ACSM3: variants seen among roughly 807,000 people sequenced by gnomAD.
The protein encoded by ACSM3 is acyl-CoA synthetase medium chain family member 3.
A neutral mutation model predicts 74.1 loss-of-function variants in ACSM3; 61 were observed. That is an observed-to-expected ratio of 0.82 (90% confidence interval 0.67 to 1.02). The LOEUF is 1.02. Ranked by LOEUF, ACSM3 falls within the 50% of genes least tolerant of loss-of-function variation. The pLI, the probability that ACSM3 is intolerant of heterozygous loss-of-function variation, is 0.00. For missense variants in ACSM3, 660 were observed against 697.0 expected (o/e 0.95, Z 0.60); for synonymous variants, 213 against 241.5 (o/e 0.88, Z 1.09).
chr16:20,784,993 T>G lies in ACSM3; in HGVS notation c.1029T>G (p.Phe343Leu), dbSNP rs779951052. ...CTGGTTTTCTGAGAAGCTATAAGTT[T>G]AAAAGCTTAAAGCACTGTGTGAGTG... ...LVQNDITSYK[F>L]KSLKHCVSAG... Residue 343 changes from phenylalanine (F) to leucine (L), a missense_variant, in exon 8 of 14, where the codon TTT becomes TTG. By Grantham distance (22) the Phe-to-Leu change is conservative (BLOSUM62 0). Coordinates refer to ENST00000289416, the MANE Select transcript of ACSM3 (RefSeq NM_005622.4). 1.2e-6 allele frequency: 2 copies of G among 1,612,056 alleles called. No individual in the cohort carries two copies. The highest frequency in any genetic ancestry group is 2.2e-5 in the South Asian group (2 of 90,826).
intron 2 of ACSM3, among the ~76,000 whole-genome samples, chr16:20,772,741 AT>A (rs2080208372): frequency 6.6e-6 from 1 of 152,136 alleles, no homozygotes; most frequent in Non-Finnish European, 1.5e-5. Context: ...TGCCAATACC[AT>A]GCTGTTTTGG....
At chr16:20,691,103 C>T (rs778586762) in intron 1 of ACSM3, 4 of 1,613,684 alleles carry the variant, frequency 2.5e-6, no homozygotes, top group Non-Finnish European at 3.4e-6. Context: ...TAAAGACCGG[C>T]AGCGCAGCTG....
intron 4 of ACSM3, 125 bp from the exon 5 acceptor site, chr16:20,780,589 C>T (rs2080330093): frequency 1.9e-6 from 3 of 1,597,456 alleles, no homozygotes; most frequent in Non-Finnish European, 2.6e-6. Flanking sequence ...GTAATTCAAG[C>T]TAAGCCACTG....
intron 2 of ACSM3, 75 bp from the exon 3 acceptor site, chr16:20,775,764 T>G: frequency 1.4e-6 from 2 of 1,451,382 alleles, no homozygotes; most frequent in South Asian, 1.2e-5. Context: ...AGCTAATCTA[T>G]TCCATTGAGT....
chr16:20,691,172 C>T lies in ACSM3; in HGVS notation c.-190+16350C>T. On this transcript the variant is annotated intron_variant, in intron 1 of 3. Transcript: ENST00000561584. ...GTGGATGCCCCAGAGGGTCCGGAACCTCATTAGCCACTGCATGGTGAAACA... is the reference window on the plus strand; with the variant it reads ...GTGGATGCCCCAGAGGGTCCGGAACTTCATTAGCCACTGCATGGTGAAACA... 1.9e-6 allele frequency: 3 copies of T among 1,593,676 alleles called. No homozygotes were observed. In the South Asian group the frequency reaches 3.4e-5, roughly 18 times the overall value.
intron 1 of ACSM3, among the ~76,000 whole-genome samples, chr16:20,767,764 G>A (rs527574315): frequency 6.6e-6 from 1 of 152,324 alleles, no homozygotes; most frequent in African/African-American, 2.4e-5. Flanking sequence ...TTACATCACA[G>A]TGCAAAGATC....
Position 20,730,738 on chromosome 16 carries a change from C to T in ACSM3, c.-189-19172C>T, listed in dbSNP as rs117154229. Among the ~76,000 whole-genome samples the T allele has an allele frequency of 1.1e-3, 169 of 152,312 alleles. 3 individuals carry two copies. The East Asian group carries it at 0.03, about 27-fold the overall frequency. ...CAATGAATAATATAAATTATGCTTA[C>T]TAACCTCAGTAATTATCTAATTGGT... On this transcript the variant is annotated intron_variant, in intron 1 of 3. Coordinates refer to the ACSM3 transcript ENST00000561584.
intron 1 of ACSM3, among the ~76,000 whole-genome samples, chr16:20,710,472 G>A (rs1184358059): frequency 2.0e-5 from 3 of 152,046 alleles, no homozygotes; most frequent in Non-Finnish European, 4.4e-5. Flanking sequence ...TAAAAGAATT[G>A]TATCTCAGTA....
chr16:20,741,739 T>C (rs1014303288), intron 1 of ACSM3: 5 of 1,567,218 alleles, frequency 3.2e-6, no homozygotes, highest in Non-Finnish European at 4.3e-6. Context: ...GGGGCCGCCA[T>C]GGTGTGCGCA....
At chr16:20,722,984 G>A (rs1257490790) in intron 1 of ACSM3, among the ~76,000 whole-genome samples, 1 of 152,130 alleles carries the variant, frequency 6.6e-6, no homozygotes, top group African/African-American at 2.4e-5. Flanking sequence ...TTGCTGTGCT[G>A]CACCCATTAA....
At chr16:20,727,333 G>C (rs1360017915) in intron 1 of ACSM3, 38 of 586,018 alleles carry the variant, frequency 6.5e-5, no homozygotes, top group Non-Finnish European at 1.1e-4. Context: ...ATGCAACTCT[G>C]TCTCTCCAGA....
intron 12 of ACSM3, 82 bp downstream of exon 12, chr16:20,792,417 A>T (rs1383645641): frequency 1.3e-6 from 2 of 1,579,024 alleles, no homozygotes; most frequent in African/African-American, 2.7e-5. Flanking sequence ...GTGAAACAGA[A>T]TTAACCAAAT....
chr16:20,758,502 G>A (rs2080049726), intron 3 of ACSM3, among the ~76,000 whole-genome samples: 1 of 151,858 alleles, frequency 6.6e-6, no homozygotes. Context: ...ATTTTTTATT[G>A]TGTCTATTTG....
intron 1 of ACSM3, among the ~76,000 whole-genome samples, chr16:20,743,410 CAT>C (rs1187755967): frequency 6.6e-6 from 1 of 152,126 alleles, no homozygotes; most frequent in African/African-American, 2.4e-5. Context: ...GCCTTTTATC[CAT>C]AGTCTTGGCA....
chr16:20,688,912 T>C (rs1311062369), intron 1 of ACSM3, among the ~76,000 whole-genome samples: 1 of 150,552 alleles, frequency 6.6e-6, no homozygotes, highest in Non-Finnish European at 1.5e-5. Context: ...TTGTTATTTG[T>C]TACAGTATTT....
intron 1 of ACSM3, among the ~76,000 whole-genome samples, chr16:20,710,623 G>C (rs2079741043): frequency 6.6e-6 from 1 of 152,072 alleles, no homozygotes; most frequent in South Asian, 2.1e-4. Context: ...GGGATTACAG[G>C]TGTGAGCCAA....
At chr16:20,691,146 TG>T (rs2079646681) in intron 1 of ACSM3, 2 of 1,612,228 alleles carry the variant, frequency 1.2e-6, no homozygotes, top group African/African-American at 2.7e-5. Flanking sequence ...TGGAAGGATT[TG>T]TGGATGCCCC....
intron 1 of ACSM3, among the ~76,000 whole-genome samples, chr16:20,713,034 T>G (rs2079749326): frequency 6.6e-6 from 1 of 152,232 alleles, no homozygotes; most frequent in Non-Finnish European, 1.5e-5. Context: ...TACAAAATAC[T>G]ATTTGTCCAA....
rs1292122335 is a variant in ACSM3, at chr16:20,742,564, AC to A, written c.-189-7345del. 3.3e-5 allele frequency among the ~76,000 whole-genome samples: 5 copies of A among 150,634 alleles called. No homozygotes were observed. In the East Asian group the frequency reaches 7.8e-4, roughly 24 times the overall value. ...AGGCTGAGGCAGGGGAATCACTCGA[AC>A]TCGGGAAGCGGCGGTTGCAGTAAGC... On this transcript the variant is annotated intron_variant, in intron 1 of 3. Coordinates refer to the ACSM3 transcript ENST00000561584.
Sources: allele counts gnomAD v4.1 joint callset (sites outside exome capture counted in the v4.1 genomes callset), GRCh38; gene constraint gnomAD v4.1.1; transcripts MANE v1.5; gene names NCBI Gene and HGNC (gene_info 2026-07-23, HGNC 2026-07-21).